The following CHKA variants were observed in gnomAD, a reference collection of about 807,000 sequenced individuals.
CHKA encodes the protein choline kinase alpha.
Under a neutral mutation model 60.1 loss-of-function variants are expected in CHKA, and 34 were observed. The observed-to-expected ratio is 0.57, with a 90% CI of 0.43 to 0.75. The LOEUF (loss-of-function observed/expected upper bound fraction) is 0.75, where lower values mean the gene tolerates loss of function less well. Among genes scored for constraint, CHKA ranks in the 30% least tolerant of loss-of-function variants. The pLI is 0.00. For missense variants in CHKA, 563 were observed against 561.3 expected (o/e 1.00, Z -0.03); for synonymous variants, 217 against 223.1 (o/e 0.97, Z 0.24).
intron 2 of CHKA, among the ~76,000 whole-genome samples, chr11:68,087,397 G>A (rs998185205): frequency 3.3e-5 from 5 of 151,870 alleles, no homozygotes; most frequent in African/African-American, 7.3e-5. Context: ...CGGGAGAATC[G>A]CTTGAACCTG....
At chr11:68,093,007 GTTTTT>G (rs34534250) in intron 2 of CHKA, among the ~76,000 whole-genome samples, 2 of 139,780 alleles carry the variant, frequency 1.4e-5, no homozygotes, top group African/African-American at 5.3e-5. Context: ...TTTTTTTTGG[GTTTTT>G]TTTTTTTTTT....
Position 68,120,964 on chromosome 11 carries a change from G to A in CHKA, c.214C>T (p.Pro72Ser), listed in dbSNP as rs770487488. ...TCTGCGGGCGGCTGCGGCGGCGGGGGCTGGGGCAGCGGCAGCGGCAGCGGC... is the reference window on the plus strand; with the variant it reads ...TCTGCGGGCGGCTGCGGCGGCGGGGACTGGGGCAGCGGCAGCGGCAGCGGC... ...PLPLPLPLPQPPPPQPPADEQ... is the reference protein window; with the variant it reads ...PLPLPLPLPQSPPPQPPADEQ... The change falls in exon 1 of 12, where the codon CCC becomes TCC. Residue 72 changes from proline to serine, a missense_variant. Coordinates refer to ENST00000265689, the MANE Select transcript of CHKA (RefSeq NM_001277.3). The A allele has an allele frequency of 1.8e-5, 20 of 1,140,054 alleles. No individual in the cohort carries two copies. In the African/African-American group the frequency reaches 3.1e-4, roughly 18 times the overall value. The allele number at this position is 1,140,054 out of a possible 1,614,324, so 70.6% of individuals were successfully genotyped here.
intron 1 of CHKA, among the ~76,000 whole-genome samples, chr11:68,111,872 G>C (rs1858157230): frequency 6.6e-6 from 1 of 151,660 alleles, no homozygotes; most frequent in Admixed American, 6.6e-5. Flanking sequence ...TGACCAACAT[G>C]AAGAAACCCC....
At chr11:68,105,514 C>CAAAAAAAAAAAAA (rs1170085830) in intron 1 of CHKA, among the ~76,000 whole-genome samples, 50 of 64,946 alleles carry the variant, frequency 7.7e-4, no homozygotes, top group Admixed American at 1.4e-3. Flanking sequence ...GACTCCATCT[C>CAAAAAAAAAAAAA]AAAAAAAAAA....
intron 11 of CHKA, among the ~76,000 whole-genome samples, chr11:68,055,210 C>T (rs774781056): frequency 1.4e-4 from 22 of 152,140 alleles, no homozygotes; most frequent in Non-Finnish European, 2.9e-4. Context: ...CTGGTCAACA[C>T]GGCGAAACCC....
At chr11:68,074,604 T>A in intron 4 of CHKA, 113 bp downstream of exon 4, 1 of 852,654 alleles carries the variant, frequency 1.2e-6, no homozygotes, top group Non-Finnish European at 2.0e-6. Context: ...TTTAATGACA[T>A]AGGTGAGGTT....
At position 68,061,394 on chromosome 11, in the gene CHKA, C is replaced by A. The variant is rs1856241857; in HGVS notation, c.1314+559G>T. On this transcript the variant is annotated intron_variant, in intron 11 of 11. Transcript: ENST00000265689. ...GTGCTGGGATTACAGGCGTGAGCCA[C>A]CGTACCCGGCTGACAATTCTTAAGG... The A allele has an allele frequency of 1.5e-5, 3 of 202,604 alleles. No individual in the cohort carries two copies. The South Asian group carries it at 2.4e-4, about 16-fold the overall frequency. The allele number at this position is 202,604 out of a possible 1,614,324, so 12.6% of individuals were successfully genotyped here.
intron 11 of CHKA, among the ~76,000 whole-genome samples, chr11:68,059,491 G>C (rs2134492711): frequency 6.6e-6 from 1 of 152,204 alleles, no homozygotes; most frequent in South Asian, 2.1e-4. Flanking sequence ...TAGGGATTTT[G>C]TGTAATGTTT....
chr11:68,062,146 T>C lies in CHKA; in HGVS notation c.1233-112A>G, dbSNP rs1219163231. ...TTAACTTGTGTGGATGCAAACCTAG[T>C]TAGTGTTGGCAAATCATGGGTCTAT... On this transcript the variant is annotated intron_variant, in intron 10 of 11. Transcript: ENST00000265689. 4 of 744,658 alleles carry C rather than the reference T, an allele frequency of 5.4e-6. No homozygotes were observed. The East Asian group carries it at 8.3e-5, about 15-fold the overall frequency. 46.1% of individuals were successfully genotyped at this position (744,658 alleles called of 1,614,324 possible).
At chr11:68,104,917 C>G (rs1261024976) in intron 1 of CHKA, among the ~76,000 whole-genome samples, 1 of 148,750 alleles carries the variant, frequency 6.7e-6, no homozygotes, top group Non-Finnish European at 1.5e-5. Flanking sequence ...CCAGCCTGAT[C>G]AACATGGTGA....
At position 68,053,561 on chromosome 11, in the gene CHKA, AAC is replaced by A. The variant is rs1248814844; in HGVS notation, c.*425_*426del. 2 of 179,792 alleles carry A rather than the reference AAC, an allele frequency of 1.1e-5. No individual in the cohort carries two copies. The highest frequency in any genetic ancestry group is 2.4e-5 in the African/African-American group (1 of 42,032). The allele number at this position is 179,792 out of a possible 1,614,324, so 11.1% of individuals were successfully genotyped here. A position where few individuals can be genotyped will look rare whatever the true frequency, so the allele number is the denominator to read the frequency against. On this transcript the variant is annotated 3_prime_UTR_variant, in exon 12 of 12. Transcript: ENST00000265689. ...TCCCTTGGGAGTGAGCACCGTCTAT[AAC>A]ACATCGCCATCTACAAAAGCCTGGT...
At chr11:68,120,298 T>C (rs1858572035) in intron 1 of CHKA, among the ~76,000 whole-genome samples, 1 of 152,116 alleles carries the variant, frequency 6.6e-6, no homozygotes, top group African/African-American at 2.4e-5. Context: ...CTCCCACCTT[T>C]GTCTAGTAAC....
At chr11:68,057,909 GTTTTT>G (rs1396283594) in intron 11 of CHKA, among the ~76,000 whole-genome samples, 1 of 151,914 alleles carries the variant, frequency 6.6e-6, no homozygotes, top group Non-Finnish European at 1.5e-5. Context: ...GTTTTGTTTT[GTTTTT>G]GAGATGGGGT....
chr11:68,070,889 T>C lies in CHKA; in HGVS notation c.631-32A>G, dbSNP rs765376469. ...AAGAAAAGGGAGTTAAAAACTGACATTTACCAAGTAAACTAAAAAGAGTGA... is the reference window on the plus strand; with the variant it reads ...AAGAAAAGGGAGTTAAAAACTGACACTTACCAAGTAAACTAAAAAGAGTGA... On this transcript the variant is annotated intron_variant, in intron 4 of 11. Coordinates refer to ENST00000265689, the MANE Select transcript of CHKA (RefSeq NM_001277.3). 7 of 1,593,612 alleles carry C rather than the reference T, an allele frequency of 4.4e-6. No homozygotes were observed. In the African/African-American group the frequency reaches 6.7e-5, roughly 15 times the overall value.
At chr11:68,090,831 G>A (rs984586214) in intron 2 of CHKA, among the ~76,000 whole-genome samples, 6 of 152,148 alleles carry the variant, frequency 3.9e-5, no homozygotes, top group African/African-American at 1.2e-4. Context: ...CTGTGAGACC[G>A]CTCATAACGG....
chr11:68,068,802 A>AT, intron 7 of CHKA, 77 bp downstream of exon 7: 2 of 964,640 alleles, frequency 2.1e-6, no homozygotes, highest in Non-Finnish European at 3.3e-6. Flanking sequence ...GCTACCTTAC[A>AT]TTTTTCAGAC....
At position 68,121,035 on chromosome 11, in the gene CHKA, A is replaced by T; in HGVS notation, c.143T>A (p.Leu48Gln). Residue 48 changes from leucine (L) to glutamine (Q), a missense_variant, in exon 1 of 12, where the codon CTG becomes CAG. Transcript: ENST00000265689. Reference sequence around the variant, plus strand: ...CGCGAGCGGCGGCTGTTGGCCGCCCAGCTGCTTGGACTCGAGGTCGCTGGC... The same window carrying T: ...CGCGAGCGGCGGCTGTTGGCCGCCCTGCTGCTTGGACTCGAGGTCGCTGGC... ...DAASDLESKQ[L>Q]GGQQPPLALP... The T allele has an allele frequency of 9.1e-7, 1 of 1,103,646 alleles. No homozygotes were observed. The highest frequency in any genetic ancestry group is 1.1e-6 in the Non-Finnish European group (1 of 907,414). 68.4% of individuals were successfully genotyped at this position (1,103,646 alleles called of 1,614,324 possible). A position where few individuals can be genotyped will look rare whatever the true frequency, so the allele number is the denominator to read the frequency against.
At chr11:68,079,359 T>A (rs1261195254) in intron 3 of CHKA, among the ~76,000 whole-genome samples, 1 of 149,272 alleles carries the variant, frequency 6.7e-6, no homozygotes, top group African/African-American at 2.5e-5. Flanking sequence ...AGTCGGAGTT[T>A]CGCACTGTCG....
chr11:68,110,603 T>C (rs1858095547), intron 1 of CHKA, among the ~76,000 whole-genome samples: 1 of 152,224 alleles, frequency 6.6e-6, no homozygotes. Context: ...GACTCAATAT[T>C]ATCAAGATGT....
Sources: gnomAD v4.1 joint callset for allele counts (sites outside exome capture counted in the v4.1 genomes callset) on GRCh38, gnomAD v4.1.1 for gene constraint, MANE v1.5 for transcripts, NCBI Gene and HGNC (gene_info 2026-07-23, HGNC 2026-07-21) for gene names.